TBC1D4: variants seen among roughly 807,000 people sequenced by gnomAD.
TBC1D4 encodes the protein TBC1 domain family member 4.
In TBC1D4, 121 loss-of-function variants were observed where a neutral mutation model predicts 142.5. The observed-to-expected ratio is 0.85, with a 90% CI of 0.73 to 0.99. The LOEUF (loss-of-function observed/expected upper bound fraction) is 0.99, where lower values mean the gene tolerates loss of function less well. TBC1D4 is among the 50% of genes least tolerant of loss of function. TBC1D4 has a pLI of 0.00. For missense variants in TBC1D4, 1,475 were observed against 1,606.6 expected, an observed-to-expected ratio of 0.92 and a Z score of 1.40; for synonymous variants, 630 against 628.2, an observed-to-expected ratio of 1.00 and a Z score of -0.04.
chr13:75,421,779 T>G (rs1203868231), intron 1 of TBC1D4, among the ~76,000 whole-genome samples: 1 of 152,250 alleles, frequency 6.6e-6, no homozygotes, highest in Non-Finnish European at 1.5e-5. Flanking sequence ...GACAACTTTC[T>G]TAACAAAAGA....
intron 1 of TBC1D4, among the ~76,000 whole-genome samples, chr13:75,422,420 A>T (rs1472901227): frequency 6.6e-6 from 1 of 152,218 alleles, no homozygotes; most frequent in African/African-American, 2.4e-5. Context: ...AAATCCTTTG[A>T]AAAACACATT....
intron 1 of TBC1D4, among the ~76,000 whole-genome samples, chr13:75,472,271 T>C (rs949976002): frequency 6.6e-6 from 1 of 151,122 alleles, no homozygotes; most frequent in Non-Finnish European, 1.5e-5. Context: ...ATACAAAAAT[T>C]AGCTGGGTGT....
At chr13:75,340,275 C>CAA (rs747490187) in intron 7 of TBC1D4, among the ~76,000 whole-genome samples, 41 of 152,130 alleles carry the variant, frequency 2.7e-4, no homozygotes, top group Non-Finnish European at 5.7e-4. Flanking sequence ...AAGATATAAC[C>CAA]TGAATTAGTG....
chr13:75,372,359 T>C (rs1198386461), intron 1 of TBC1D4, among the ~76,000 whole-genome samples: 1 of 151,830 alleles, frequency 6.6e-6, no homozygotes, highest in Non-Finnish European at 1.5e-5. Context: ...GGCCTCCACC[T>C]AACAGGTTCA....
chr13:75,291,649 G>T (rs1031194305), intron 19 of TBC1D4, among the ~76,000 whole-genome samples: 2 of 152,100 alleles, frequency 1.3e-5, no homozygotes, highest in African/African-American at 4.8e-5. Context: ...GGACAACTAG[G>T]GTTTGGATGA....
chr13:75,316,556 T>A (rs940994886), intron 12 of TBC1D4: 1 of 152,226 alleles, frequency 6.6e-6, no homozygotes, highest in African/African-American at 2.4e-5. Flanking sequence ...CAAAAGCAGC[T>A]CTGCTTTTAA....
Position 75,326,286 on chromosome 13 carries a change from T to C in TBC1D4, c.1944A>G (p.Ser648=). 1 of 1,614,054 alleles carries C rather than the reference T, an allele frequency of 6.2e-7. No homozygotes were observed. Among genetic ancestry groups the C allele is most frequent in the Non-Finnish European group, 8.5e-7 (1 of 1,180,002 alleles). ...RRAHTFSHPP[S]STKRKLNLQD... is the part of the protein sequence containing the mutation. Reference sequence around the variant, plus strand: ...GCAAATTCAGCTTTCTCTTTGTGCTTGAAGGTGGGTGGCTGAACGTGTGTG... The same window carrying C: ...GCAAATTCAGCTTTCTCTTTGTGCTCGAAGGTGGGTGGCTGAACGTGTGTG... The change falls in exon 10 of 21, where the codon TCA becomes TCG. Residue 648 remains serine (S), a synonymous_variant. Transcript: ENST00000377636.
rs761260860 is a variant in TBC1D4, at chr13:75,289,037, T to C, written c.3560A>G (p.Gln1187Arg). The C allele has an allele frequency of 1.9e-5, 31 of 1,613,996 alleles. No homozygotes were observed. In the Admixed American group the frequency reaches 3.5e-4, roughly 18 times the overall value. The part of the protein sequence containing the change: ...VEYHVLQDEL[Q>R]ESSYSCEDSE... ...ATCCTCACAGGAATATGAAGATTCC[T>C]GAAGCTCATCCTGTAGCACATGATA... Residue 1187 changes from glutamine to arginine, a missense_variant, in exon 20 of 21, where the codon CAG becomes CGG. By Grantham distance (43) the Gln-to-Arg change is conservative. Around this residue, in one of 2 missense-constraint regions of TBC1D4, gnomAD observed 248 missense variants for 338.9 expected, o/e 0.73. Coordinates refer to ENST00000377636, the MANE Select transcript of TBC1D4 (RefSeq NM_014832.5).
intron 1 of TBC1D4, among the ~76,000 whole-genome samples, chr13:75,431,447 C>G (rs781117992): frequency 2.0e-5 from 3 of 152,168 alleles, no homozygotes; most frequent in Non-Finnish European, 4.4e-5. Flanking sequence ...AACTGTCACA[C>G]AAAAGCTTAT....
chr13:75,384,102 A>T (rs7319948), intron 1 of TBC1D4, among the ~76,000 whole-genome samples: 35,552 of 81,596 alleles, frequency 0.44, 4,249 homozygotes, highest in East Asian at 0.53. Context: ...TAATAAAAAA[A>T]AATAATAATA....
intron 1 of TBC1D4, among the ~76,000 whole-genome samples, chr13:75,469,174 G>C (rs1888289956): frequency 6.6e-6 from 1 of 152,204 alleles, no homozygotes; most frequent in Non-Finnish European, 1.5e-5. Flanking sequence ...GGATAGGGGA[G>C]ATGACTTATA....
At chr13:75,410,809 A>G (rs5014068) in intron 1 of TBC1D4, among the ~76,000 whole-genome samples, 123,363 of 144,902 alleles carry the variant, frequency 0.85, 52,870 homozygotes, top group East Asian at 0.97. Flanking sequence ...GGTAGCGGGC[A>G]CCTGTAGTCC....
At chr13:75,320,180 C>A in intron 11 of TBC1D4, 143 bp from the exon 12 acceptor site, 1 of 792,264 alleles carries the variant, frequency 1.3e-6, no homozygotes, top group Non-Finnish European at 2.0e-6. Flanking sequence ...ATAATTATAC[C>A]TTTTTTTTTC....
intron 2 of TBC1D4, among the ~76,000 whole-genome samples, chr13:75,361,195 G>A (rs1256742741): frequency 6.6e-6 from 1 of 152,158 alleles, no homozygotes; most frequent in Non-Finnish European, 1.5e-5. Context: ...ATCCAATTCA[G>A]TACATTTTTA....
At chr13:75,364,718 T>C (rs1355183165) in intron 1 of TBC1D4, among the ~76,000 whole-genome samples, 3 of 152,260 alleles carry the variant, frequency 2.0e-5, no homozygotes, top group Non-Finnish European at 2.9e-5. Context: ...TCTTTCTCTC[T>C]ACTTTTCATC....
chr13:75,417,485 G>A (rs888627537), intron 1 of TBC1D4, among the ~76,000 whole-genome samples: 6 of 152,040 alleles, frequency 3.9e-5, no homozygotes, highest in African/African-American at 1.4e-4. Context: ...TAGAAAATAA[G>A]AGTCATAAAA....
At position 75,415,010 on chromosome 13, in the gene TBC1D4, G is replaced by T. The variant is rs376964869; in HGVS notation, c.499-52403C>A. On this transcript the variant is annotated intron_variant, in intron 1 of 20. Transcript: ENST00000377636. ...CTGGTGGCACATGCCTGTAATCCCA[G>T]CTACTTGGGAGGCTGAGGCAAGAGA... Among the ~76,000 whole-genome samples the T allele has an allele frequency of 7.9e-5, 12 of 151,860 alleles. 1 individual carries two copies. In the East Asian group the frequency reaches 2.1e-3, roughly 27 times the overall value.
At chr13:75,401,160 A>T (rs1885071752) in intron 1 of TBC1D4, among the ~76,000 whole-genome samples, 1 of 152,212 alleles carries the variant, frequency 6.6e-6, no homozygotes, top group African/African-American at 2.4e-5. Flanking sequence ...AAATATTTTC[A>T]AAAAGGAAGT....
intron 1 of TBC1D4, among the ~76,000 whole-genome samples, chr13:75,418,404 G>A (rs930940573): frequency 2.0e-5 from 3 of 152,166 alleles, no homozygotes; most frequent in African/African-American, 7.2e-5. Flanking sequence ...CAGGGCATGC[G>A]GCATTTGAGC....
Sources: allele counts gnomAD v4.1 joint callset (sites outside exome capture counted in the v4.1 genomes callset), GRCh38; gene constraint gnomAD v4.1.1; regional missense constraint gnomAD v4.1.1; transcripts MANE v1.5; gene names NCBI Gene and HGNC (gene_info 2026-07-23, HGNC 2026-07-21).